OPN3: variants seen among roughly 807,000 people sequenced by gnomAD.
OPN3 encodes the protein opsin 3.
A neutral mutation model predicts 33.8 loss-of-function variants in OPN3; 29 were observed. The ratio of observed to expected loss-of-function variants is 0.86; its 90% CI spans 0.64 to 1.17. OPN3 has a LOEUF of 1.17. Among genes scored for constraint, OPN3 ranks in the 50% most tolerant of loss-of-function variants. OPN3 has a pLI of 0.00. For missense variants in OPN3, 437 were observed against 514.1 expected (o/e 0.85, Z 1.45); for synonymous variants, 216 against 216.1 (o/e 1.00, Z 0.00).
At position 241,604,442 on chromosome 1, in the gene OPN3, C is replaced by A. The variant is rs138070733; in HGVS notation, c.511G>T (p.Ala171Ser). The A allele has an allele frequency of 4.3e-5, 69 of 1,614,116 alleles. No individual in the cohort carries two copies. Among genetic ancestry groups the A allele is most frequent in the Non-Finnish European group, 4.2e-6 (5 of 1,180,062 alleles). ...TACCTGTTCCATCCCAGGAGAGGTG[C>A]TCCTGCCCACGCCAGTGAGTAGAGC... ...IWLYSLAWAGAPLLGWNRYIL... is the reference protein window; with the variant it reads ...IWLYSLAWAGSPLLGWNRYIL... Residue 171 changes from alanine to serine, a missense_variant, in exon 2 of 4, where the codon GCA (alanine) becomes TCA (serine). Ala to Ser is a moderately conservative substitution (Grantham distance 99). Coordinates refer to ENST00000366554, the MANE Select transcript of OPN3 (RefSeq NM_014322.3).
In OPN3 at chr1:241,597,837, A is replaced by G. The variant is rs1183959536; in HGVS notation, c.854T>C (p.Leu285Pro). 1.2e-6 allele frequency: 2 copies of G among 1,613,880 alleles called. No individual in the cohort carries two copies. The highest frequency in any genetic ancestry group is 1.7e-6 in the Non-Finnish European group (2 of 1,179,980). The change falls in exon 3 of 4, where the codon CTG becomes CCG. Residue 285 changes from leucine to proline, a missense_variant. By Grantham distance (98) the Leu-to-Pro change is moderately conservative. Transcript: ENST00000366554. ...AACAATAGATATTGTTGGAGTGACC[A>G]GGTGACCATGACCATTAACCACCAA... Reference protein sequence around the residue: ...CFLVVNGHGHLVTPTISIVSY... With the variant: ...CFLVVNGHGHPVTPTISIVSY...
At chr1:241,611,747 T>TAA (rs761133620) in intron 1 of OPN3, among the ~76,000 whole-genome samples, 14 of 152,234 alleles carry the variant, frequency 9.2e-5, no homozygotes, top group Non-Finnish European at 8.8e-5. Context: ...GAGGAGCCAT[T>TAA]AAGCTGTTTT....
At chr1:241,603,385 T>A (rs534240680) in intron 2 of OPN3, among the ~76,000 whole-genome samples, 1 of 152,086 alleles carries the variant, frequency 6.6e-6, no homozygotes, top group Admixed American at 6.5e-5. Context: ...ATAGTCACAG[T>A]GTGGAGACAG....
intron 2 of OPN3, among the ~76,000 whole-genome samples, chr1:241,603,602 A>G (rs1001094360): frequency 2.6e-5 from 4 of 152,230 alleles, no homozygotes; most frequent in Admixed American, 2.0e-4. Flanking sequence ...AATGATTTAA[A>G]GTGATGCATG....
chr1:241,639,698 C>T (rs1195552326), intron 1 of OPN3, among the ~76,000 whole-genome samples, 184 bp downstream of exon 1: 3 of 151,092 alleles, frequency 2.0e-5, no homozygotes, highest in Non-Finnish European at 3.0e-5. Context: ...AAGGCACCCG[C>T]CATGCGGCTG....
chr1:241,614,831 C>T (rs536920605), intron 1 of OPN3, among the ~76,000 whole-genome samples: 11 of 152,122 alleles, frequency 7.2e-5, no homozygotes, highest in Non-Finnish European at 8.8e-5. Context: ...CCTATAGTCC[C>T]GTTTGGACAG....
chr1:241,616,367 T>C lies in OPN3; in HGVS notation c.374-11788A>G, dbSNP rs1371670349. Among the ~76,000 whole-genome samples, 3 of 152,168 alleles carry C rather than the reference T, an allele frequency of 2.0e-5. No individual in the cohort carries two copies. The East Asian group carries it at 5.8e-4, about 29-fold the overall frequency. ...GCATGCTGGCTATTAAGAAACTCTG[T>C]GTATTTCTTGCACTACCTAGTCAAC... On this transcript the variant is annotated intron_variant, in intron 1 of 3. Transcript: ENST00000366554.
chr1:241,597,172 C>A (rs1471231570), intron 3 of OPN3, among the ~76,000 whole-genome samples: 2 of 152,092 alleles, frequency 1.3e-5, no homozygotes, highest in African/African-American at 2.4e-5. Context: ...TAGACATTTG[C>A]TGTGGCATGT....
rs577736816 is a variant in OPN3, at chr1:241,620,985, G to A, written c.374-16406C>T. Among the ~76,000 whole-genome samples, 5 of 152,224 alleles carry A rather than the reference G, an allele frequency of 3.3e-5. No individual in the cohort carries two copies. The East Asian group carries it at 5.8e-4, about 18-fold the overall frequency. On this transcript the variant is annotated intron_variant, in intron 1 of 3. Transcript: ENST00000366554. ...GACCTCCATCAAAAGGGAAAAATGT[G>A]TAAATAAACTGTGAACAAAAGGATG...
chr1:241,626,978 C>A (rs1664438830), intron 1 of OPN3, among the ~76,000 whole-genome samples: 1 of 152,124 alleles, frequency 6.6e-6, no homozygotes, highest in Admixed American at 6.6e-5. Flanking sequence ...CTTTGTCAAC[C>A]CTGCACCTCT....
chr1:241,625,984 CCAAA>C (rs759049047), intron 1 of OPN3, among the ~76,000 whole-genome samples: 18 of 152,164 alleles, frequency 1.2e-4, no homozygotes, highest in South Asian at 8.3e-4. Flanking sequence ...CAATAAAAGG[CCAAA>C]CACTCTGGTT....
chr1:241,635,169 C>T, intron 1 of OPN3: 1 of 1,612,934 alleles, frequency 6.2e-7, no homozygotes, highest in Non-Finnish European at 8.5e-7. Context: ...GATTTGCTTT[C>T]ATCTTTATCT....
At chr1:241,597,624 C>T in intron 3 of OPN3, 122 bp downstream of exon 3, 1 of 957,212 alleles carries the variant, frequency 1.0e-6, no homozygotes, top group South Asian at 2.3e-5. Flanking sequence ...CCCTTTAATT[C>T]CTAAAAAATT....
At chr1:241,629,125 A>C (rs1664516588) in intron 1 of OPN3, 1 of 152,588 alleles carries the variant, frequency 6.6e-6, no homozygotes, top group Admixed American at 6.5e-5. Context: ...ATACACCAAA[A>C]TTTACTTAAC....
At chr1:241,634,139 A>C (rs775779940) in intron 1 of OPN3, 1 of 1,613,042 alleles carries the variant, frequency 6.2e-7, no homozygotes, top group Admixed American at 1.7e-5. Flanking sequence ...TGGCTTTGTA[A>C]GTTCTTCCTC....
intron 1 of OPN3, among the ~76,000 whole-genome samples, chr1:241,611,094 A>G (rs183059358): frequency 2.6e-5 from 4 of 152,320 alleles, no homozygotes. Flanking sequence ...TGGAGGTTAA[A>G]TATCAATACA....
rs763138761 is a variant in OPN3, at chr1:241,633,888, C to A, written c.373+5994G>T. 1.1e-5 allele frequency: 17 copies of A among 1,613,710 alleles called. No individual in the cohort carries two copies. Among genetic ancestry groups the A allele is most frequent in the Middle Eastern group, 1.6e-4 (1 of 6,084 alleles). The stretch of plus-strand genomic sequence containing the variant: ...ATTACTACATTATTGGTTCCAGGAG[C>A]CTCTGGCTGCTTATCATCACCATCA... On this transcript the variant is annotated intron_variant, in intron 1 of 3. Coordinates refer to ENST00000366554, the MANE Select transcript of OPN3 (RefSeq NM_014322.3).
At chr1:241,628,384 A>G (rs1664484547) in intron 1 of OPN3, among the ~76,000 whole-genome samples, 1 of 152,164 alleles carries the variant, frequency 6.6e-6, no homozygotes, top group South Asian at 2.1e-4. Context: ...TAGGTGTTCA[A>G]TGGATGCTTA....
intron 1 of OPN3, among the ~76,000 whole-genome samples, chr1:241,606,579 AAAT>A (rs1457986629): frequency 7.8e-6 from 1 of 128,208 alleles, no homozygotes; most frequent in Non-Finnish European, 1.7e-5. Flanking sequence ...ATAAATAAAT[AAAT>A]AAATAAAATA....
Sources: allele counts gnomAD v4.1 joint callset (sites outside exome capture counted in the v4.1 genomes callset), GRCh38; gene constraint gnomAD v4.1.1; transcripts MANE v1.5; gene names NCBI Gene and HGNC (gene_info 2026-07-23, HGNC 2026-07-21).